SLC22A6: variants seen among roughly 807,000 people sequenced by gnomAD.
SLC22A6 encodes the protein PAH transporter.
A neutral mutation model predicts 56.7 loss-of-function variants in SLC22A6; 45 were observed. The ratio of observed to expected loss-of-function variants is 0.79; its 90% CI spans 0.63 to 1.02. The LOEUF (loss-of-function observed/expected upper bound fraction) is 1.02, where lower values mean the gene tolerates loss of function less well. SLC22A6 is among the 50% of genes least tolerant of loss of function. SLC22A6 has a pLI of 0.00. For synonymous variants in SLC22A6, 291 were observed against 295.9 expected (o/e 0.98, Z 0.17); for missense variants, 606 against 713.8 (o/e 0.85, Z 1.72).
chr11:62,979,431 A>G, intron 8 of SLC22A6, 57 bp downstream of exon 8: 4 of 1,199,970 alleles, frequency 3.3e-6, no homozygotes, highest in Non-Finnish European at 2.5e-6. Flanking sequence ...ACCTGTGCAC[A>G]GAAGAATGTC....
At position 62,984,726 on chromosome 11, in the gene SLC22A6, C is replaced by A; in HGVS notation, c.-36G>T. ...CCAGCCCAGTGGCTGGGGGCTGAGG[C>A]CTTCCAGTCCCAGGACCTCTGTCTG... On this transcript the variant is annotated 5_prime_UTR_variant, in exon 1 of 10. Transcript: ENST00000360421. 1 of 1,584,502 alleles carries A rather than the reference C, an allele frequency of 6.3e-7. No individual in the cohort carries two copies.
At position 62,981,103 on chromosome 11, in the gene SLC22A6, G is replaced by T; in HGVS notation, c.922-3C>A. 1 of 1,610,980 alleles carries T rather than the reference G, an allele frequency of 6.2e-7. No homozygotes were observed. Among genetic ancestry groups the T allele is most frequent in the African/African-American group, 1.3e-5 (1 of 75,008 alleles). ...TTCTGCAGACTGGCCCGGAGTACCTGCTGGGACCGGCAGAGCTCAGGGCCC... is the reference window on the plus strand; with the variant it reads ...TTCTGCAGACTGGCCCGGAGTACCTTCTGGGACCGGCAGAGCTCAGGGCCC... On this transcript the variant is annotated splice_polypyrimidine_tract_variant and splice_region_variant and intron_variant, in intron 5 of 9. Transcript: ENST00000360421.
intron 9 of SLC22A6, 100 bp downstream of exon 9, chr11:62,977,084 T>C (rs773760705): frequency 4.9e-5 from 78 of 1,600,554 alleles, no homozygotes; most frequent in Non-Finnish European, 6.5e-5. Context: ...ACACAGAGCT[T>C]TGGGCTAGAA....
At chr11:62,978,397 G>T (rs2086214595) in intron 8 of SLC22A6, among the ~76,000 whole-genome samples, 1 of 148,602 alleles carries the variant, frequency 6.7e-6, no homozygotes, top group Non-Finnish European at 1.5e-5. Context: ...GCTGGGGCTG[G>T]AGTGCAGTGG....
rs1472708154 is a variant in SLC22A6 at position 62,983,475 on chromosome 11, G to A, written c.628+62C>T. On this transcript the variant is annotated intron_variant, in intron 3 of 9. Coordinates refer to ENST00000360421, the MANE Select transcript of SLC22A6 (RefSeq NM_153276.3). The surrounding 1 kb of genome is among the most constrained non-coding windows in gnomAD (Gnocchi z 4.5). ...TCAGGAGGGGCAGGCTGGGAGGGGA[G>A]GCTGGAAAGGGGTTGCTGGGCTGGG... 1.3e-6 allele frequency: 2 copies of A among 1,525,656 alleles called. No individual in the cohort carries two copies. Among genetic ancestry groups the A allele is most frequent in the Non-Finnish European group, 1.8e-6 (2 of 1,128,420 alleles). 94.5% of individuals were successfully genotyped at this position (1,525,656 alleles called of 1,614,324 possible).
intron 8 of SLC22A6, among the ~76,000 whole-genome samples, chr11:62,977,752 C>T (rs779488754): frequency 1.3e-5 from 2 of 152,222 alleles, no homozygotes; most frequent in Non-Finnish European, 2.9e-5. Context: ...CCCTTTCCCT[C>T]CGTGGGCTTC....
intron 8 of SLC22A6, among the ~76,000 whole-genome samples, chr11:62,978,160 G>T (rs2086211270): frequency 1.3e-5 from 2 of 152,186 alleles, no homozygotes; most frequent in African/African-American, 4.8e-5. Context: ...GAGTGCTTCG[G>T]ATTATTGCTC....
At position 62,983,877 on chromosome 11, in the gene SLC22A6, C is replaced by T. The variant is rs1301487247; in HGVS notation, c.473+67G>A. The T allele has an allele frequency of 3.9e-6, 5 of 1,296,526 alleles. No homozygotes were observed. Among genetic ancestry groups the T allele is most frequent in the Non-Finnish European group, 5.4e-6 (5 of 922,778 alleles). The allele number at this position is 1,296,526 out of a possible 1,614,324, so 80.3% of individuals were successfully genotyped here. On this transcript the variant is annotated intron_variant, in intron 2 of 9. Coordinates refer to ENST00000360421, the MANE Select transcript of SLC22A6 (RefSeq NM_153276.3). The surrounding 1 kb of genome is among the most constrained non-coding windows in gnomAD (Gnocchi z 4.5). ...TGGCAATGCCAAGCTCCCACCTAGA[C>T]ACCCTGAGCCCAGCTGAGCCCCTAA...
chr11:62,983,556 G>A lies in SLC22A6; in HGVS notation c.609C>T (p.Ser203=), dbSNP rs1276004389. 8.9e-6 allele frequency: 14 copies of A among 1,565,102 alleles called. No individual in the cohort carries two copies. The highest frequency in any genetic ancestry group is 1.1e-5 in the Non-Finnish European group (13 of 1,154,744). The change falls in exon 3 of 10, where the codon TCC becomes TCT. Residue 203 remains serine (S), a synonymous_variant. Transcript: ENST00000360421. This position sits in a 1 kb window ranked among gnomAD's most constrained non-coding sequence, Gnocchi z 4.5. ...TCTCACTCAGTGTCATGCAGTTGAG[G>A]GAGATGCCAGCCAGAGCCATGCCCG... ...LLSGMALAGI[S]LNCMTLNVEW...
At chr11:62,981,506 G>A (rs2086255103) in intron 4 of SLC22A6, 123 bp from the exon 5 acceptor site, 3 of 673,686 alleles carry the variant, frequency 4.5e-6, no homozygotes, top group African/African-American at 1.8e-5. Context: ...GAACCCAGGG[G>A]CCTTGCCAAA....
intron 8 of SLC22A6, 109 bp from the exon 9 acceptor site, chr11:62,977,496 G>C (rs144351015): frequency 2.4e-6 from 3 of 1,257,398 alleles, no homozygotes; most frequent in African/African-American, 3.0e-5. Context: ...GGACACTCCC[G>C]GTACCTCCTC....
In SLC22A6 at chr11:62,984,717, G is replaced by A; in HGVS notation, c.-27C>T. On this transcript the variant is annotated 5_prime_UTR_variant, in exon 1 of 10. Coordinates refer to ENST00000360421, the MANE Select transcript of SLC22A6 (RefSeq NM_153276.3). ...GGGCCAGGCCCAGCCCAGTGGCTGGGGGCTGAGGCCTTCCAGTCCCAGGAC... is the reference window on the plus strand; with the variant it reads ...GGGCCAGGCCCAGCCCAGTGGCTGGAGGCTGAGGCCTTCCAGTCCCAGGAC... 1.9e-6 allele frequency: 3 copies of A among 1,597,304 alleles called. No homozygotes were observed. Among genetic ancestry groups the A allele is most frequent in the Non-Finnish European group, 2.6e-6 (3 of 1,174,292 alleles).
rs2086235992 is a variant in SLC22A6, at chr11:62,980,023, GA to G, written c.1038-76del. ...GGGGTGCTCTTTCAAAACAGTGGGG[GA>G]ACTGCATTGGGTACCCTGCTTAAGG... On this transcript the variant is annotated intron_variant, in intron 6 of 9. Coordinates refer to ENST00000360421, the MANE Select transcript of SLC22A6 (RefSeq NM_153276.3). 6 of 993,218 alleles carry G rather than the reference GA, an allele frequency of 6.0e-6. No individual in the cohort carries two copies. In the East Asian group the frequency reaches 1.5e-4, roughly 24 times the overall value. The allele number at this position is 993,218 out of a possible 1,614,324, so 61.5% of individuals were successfully genotyped here.
intron 8 of SLC22A6, among the ~76,000 whole-genome samples, chr11:62,978,362 T>TATTTTATTTTATTTTATTTTA (rs1590672934): frequency 6.7e-6 from 1 of 148,830 alleles, no homozygotes; most frequent in Non-Finnish European, 1.5e-5. Flanking sequence ...TATTTTATTT[T>TATTTTATTTTATTTTATTTTA]TTTGAGACAG....
intron 1 of SLC22A6, 74 bp downstream of exon 1, chr11:62,984,248 A>AGT: frequency 8.1e-7 from 1 of 1,230,600 alleles, no homozygotes; most frequent in Non-Finnish European, 1.1e-6. Context: ...TTCTCCATGT[A>AGT]CTTTTTTTTT....
At chr11:62,981,128 C>G in intron 5 of SLC22A6, 28 bp from the exon 6 acceptor site, 1 of 1,607,988 alleles carries the variant, frequency 6.2e-7, no homozygotes, top group Non-Finnish European at 8.5e-7. Context: ...GCTCAGGGCC[C>G]GGGATCCTCC....
Position 62,979,728 on chromosome 11 carries a change from G to T in SLC22A6, c.1252+6C>A. ...AGAAGGGGCCAAGGTGCTCGTGGGTGCTCACCCTGGGGTATCACCCCATTG... is the reference window on the plus strand; with the variant it reads ...AGAAGGGGCCAAGGTGCTCGTGGGTTCTCACCCTGGGGTATCACCCCATTG... On this transcript the variant is annotated splice_donor_region_variant and intron_variant, in intron 7 of 9. Transcript: ENST00000360421. 3 of 1,613,484 alleles carry T rather than the reference G, an allele frequency of 1.9e-6. No individual in the cohort carries two copies. The highest frequency in any genetic ancestry group is 2.2e-5 in the East Asian group (1 of 44,880).
In SLC22A6 at chr11:62,984,213, G is replaced by A; in HGVS notation, c.369+109C>T. ...TGAGAGCATTTTTCTTTTTAACTCA[G>A]CAGTTAAAAAACTCAGCAGTTAATT... On this transcript the variant is annotated intron_variant, in intron 1 of 9. Transcript: ENST00000360421. The A allele has an allele frequency of 2.2e-6, 3 of 1,390,212 alleles. No homozygotes were observed. In the South Asian group the frequency reaches 4.2e-5, roughly 19 times the overall value. The allele number at this position is 1,390,212 out of a possible 1,614,324, so 86.1% of individuals were successfully genotyped here. A position where few individuals can be genotyped will look rare whatever the true frequency, so the allele number is the denominator to read the frequency against.
In SLC22A6 at chr11:62,984,609, G is replaced by A. The variant is rs769872326; in HGVS notation, c.82C>T (p.Leu28=). ...QIQVTLVVLP[L]LLMASHNTLQ... ...GTGTTGTGAGAAGCCATCAGGAGCA[G>A]GGGGAGGACCACCAGGGTGACCTGG... The change falls in exon 1 of 10, where the codon CTG becomes TTG. Residue 28 remains leucine, a synonymous_variant. Coordinates refer to ENST00000360421, the MANE Select transcript of SLC22A6 (RefSeq NM_153276.3). 6.2e-7 allele frequency: 1 copy of A among 1,613,568 alleles called. No homozygotes were observed. The highest frequency in any genetic ancestry group is 8.5e-7 in the Non-Finnish European group (1 of 1,179,820).
Sources: allele counts gnomAD v4.1 joint callset (sites outside exome capture counted in the v4.1 genomes callset), GRCh38; gene constraint gnomAD v4.1.1; non-coding constraint Gnocchi (gnomAD v3.1); transcripts MANE v1.5; gene names NCBI Gene and HGNC (gene_info 2026-07-23, HGNC 2026-07-21).